Variants in SOX5 observed in about 807,000 individuals in gnomAD.
SOX5 encodes SRY-box transcription factor 5.
In SOX5, 9 loss-of-function variants were observed where a neutral mutation model predicts 92.0. That is an observed-to-expected ratio of 0.10 (90% confidence interval 0.06 to 0.17). The LOEUF is 0.17. Ranked by LOEUF, SOX5 falls within the 10% of genes least tolerant of loss-of-function variation. SOX5 has a pLI of 1.00. For missense variants in SOX5, 642 were observed against 944.5 expected (o/e 0.68, Z 4.20); for synonymous variants, 344 against 336.3 (o/e 1.02, Z -0.25).
At chr12:24,376,690 CTTTTTTTTTTTTTTTTTTTTTTTTTT>C (rs1164391418) in intron 1 of SOX5, among the ~76,000 whole-genome samples, 101 of 70,618 alleles carry the variant, frequency 1.4e-3, no homozygotes, top group African/African-American at 4.5e-3. Context: ...GGAGAGATAC[CTTTTTTTTTTTTTTTTTTTTTTTTTT>C]TTTTTTTTTT....
chr12:23,936,733 C>G (rs569455523), intron 1 of SOX5, among the ~76,000 whole-genome samples: 63 of 151,020 alleles, frequency 4.2e-4, no homozygotes, highest in Middle Eastern at 3.4e-3. Flanking sequence ...TCATATTTAA[C>G]AAGTTTTTAA....
chr12:24,365,346 A>G (rs565776719), intron 2 of SOX5, among the ~76,000 whole-genome samples: 7 of 152,118 alleles, frequency 4.6e-5, no homozygotes, highest in Non-Finnish European at 1.0e-4. Context: ...CTATGTAACA[A>G]TAAAGCATAA....
intron 8 of SOX5, among the ~76,000 whole-genome samples, chr12:23,625,717 C>T (rs965991339): frequency 3.3e-5 from 5 of 152,212 alleles, no homozygotes; most frequent in African/African-American, 1.2e-4. Flanking sequence ...TCAAATGATT[C>T]TCCTGCCTCA....
intron 4 of SOX5, among the ~76,000 whole-genome samples, chr12:24,002,943 T>G (rs983444988): frequency 3.3e-5 from 5 of 151,990 alleles, no homozygotes; most frequent in Admixed American, 6.6e-5. Context: ...ATTAACAAAC[T>G]GATCCAGCAA....
At chr12:24,145,357 G>A (rs1650431056) in intron 4 of SOX5, among the ~76,000 whole-genome samples, 1 of 152,120 alleles carries the variant, frequency 6.6e-6, no homozygotes, top group Admixed American at 6.6e-5. Flanking sequence ...AACATTAAAT[G>A]TTAATGGTCT....
intron 2 of SOX5, among the ~76,000 whole-genome samples, chr12:24,345,171 C>T (rs1229590170): frequency 6.6e-6 from 1 of 152,078 alleles, no homozygotes; most frequent in Non-Finnish European, 1.5e-5. Context: ...GTATATTAGA[C>T]ATGGAAAACA....
chr12:24,236,385 GAT>G (rs1030204400), intron 3 of SOX5, among the ~76,000 whole-genome samples: 1 of 152,084 alleles, frequency 6.6e-6, no homozygotes, highest in Admixed American at 6.5e-5. Context: ...TTAACTTAAT[GAT>G]ATAGAGTTAC....
At chr12:24,370,151 G>A (rs1167666002) in intron 1 of SOX5, among the ~76,000 whole-genome samples, 1 of 152,180 alleles carries the variant, frequency 6.6e-6, no homozygotes, top group Non-Finnish European at 1.5e-5. Context: ...GTCAAGGTCA[G>A]ATGTTAGAAA....
intron 9 of SOX5, among the ~76,000 whole-genome samples, chr12:23,581,303 T>C (rs555044094): frequency 8.1e-4 from 124 of 152,222 alleles, no homozygotes; most frequent in African/African-American, 3.0e-3. Flanking sequence ...TACCCACATG[T>C]AGGTTGCTAG....
At chr12:24,454,189 C>T (rs2137377906) in intron 1 of SOX5, among the ~76,000 whole-genome samples, 1 of 152,300 alleles carries the variant, frequency 6.6e-6, no homozygotes, top group South Asian at 2.1e-4. Context: ...AAAGCGTGCT[C>T]TGTCTACCGG....
chr12:24,146,267 G>T lies in SOX5; in HGVS notation c.-2+67076C>A, dbSNP rs534559917. On this transcript the variant is annotated intron_variant, in intron 4 of 4. Coordinates refer to the SOX5 transcript ENST00000446891. The stretch of plus-strand genomic sequence containing the variant: ...AGTCTCAATAAATTTTAAATGATTC[G>T]AATCCTACATAGTATGTTCCCTAAC... Among the ~76,000 whole-genome samples, 198 of 151,948 alleles carry T rather than the reference G, an allele frequency of 1.3e-3. 2 individuals carry two copies. In the Middle Eastern group the frequency reaches 0.014, roughly 11 times the overall value.
chr12:24,270,656 C>A (rs1943611159), intron 3 of SOX5, among the ~76,000 whole-genome samples: 1 of 152,186 alleles, frequency 6.6e-6, no homozygotes, highest in African/African-American at 2.4e-5. Context: ...GACACAAATT[C>A]TGCACCCTGA....
intron 4 of SOX5, among the ~76,000 whole-genome samples, chr12:24,109,150 T>C (rs1947033621): frequency 2.0e-5 from 3 of 152,172 alleles, no homozygotes; most frequent in African/African-American, 4.8e-5. Context: ...ATACCTTGTA[T>C]GTCTTATTTT....
At chr12:23,892,644 G>C (rs749750268) in intron 2 of SOX5, among the ~76,000 whole-genome samples, 1 of 151,988 alleles carries the variant, frequency 6.6e-6, no homozygotes, top group Non-Finnish European at 1.5e-5. Flanking sequence ...ATTTACTCAA[G>C]ACAGAAAAAA....
intron 4 of SOX5, among the ~76,000 whole-genome samples, chr12:23,747,932 C>G (rs1312229429): frequency 7.0e-6 from 1 of 142,808 alleles, no homozygotes; most frequent in Non-Finnish European, 1.5e-5. Context: ...TGCATGCCTT[C>G]AGATAGCTTA....
chr12:23,825,140 G>GA (rs1320328981), intron 3 of SOX5, among the ~76,000 whole-genome samples: 1 of 151,912 alleles, frequency 6.6e-6, no homozygotes, highest in African/African-American at 2.4e-5. Context: ...ACTGGGGTAT[G>GA]AAAAAAAACT....
At chr12:23,803,284 C>T (rs1351283010) in intron 3 of SOX5, among the ~76,000 whole-genome samples, 1 of 152,148 alleles carries the variant, frequency 6.6e-6, no homozygotes, top group African/African-American at 2.4e-5. Flanking sequence ...CAAAAGAGGA[C>T]TCATTATCTG....
At chr12:23,808,804 C>T (rs12372420) in intron 3 of SOX5, among the ~76,000 whole-genome samples, 15,422 of 152,080 alleles carry the variant, frequency 0.1, 892 homozygotes, top group East Asian at 0.2. Flanking sequence ...ACAGTAATGT[C>T]ATATGTTCTT....
rs139532008 is a variant in SOX5, at chr12:23,747,339, A to G, written c.569-6300T>C. Reference sequence around the variant, plus strand: ...TATTTCTACTTGTTTCCTTACTAAAATCCATTCTCCAAACAAACGTTCATA... The same window carrying G: ...TATTTCTACTTGTTTCCTTACTAAAGTCCATTCTCCAAACAAACGTTCATA... On this transcript the variant is annotated intron_variant, in intron 4 of 14. Transcript: ENST00000451604. 9.2e-5 allele frequency among the ~76,000 whole-genome samples: 14 copies of G among 152,176 alleles called. No individual in the cohort carries two copies. In the East Asian group the frequency reaches 2.7e-3, roughly 29 times the overall value.
Sources: allele counts gnomAD v4.1 joint callset (sites outside exome capture counted in the v4.1 genomes callset), GRCh38; gene constraint gnomAD v4.1.1; transcripts MANE v1.5; gene names NCBI Gene and HGNC (gene_info 2026-07-23, HGNC 2026-07-21).